ZNF669: variants seen among roughly 807,000 people sequenced by gnomAD.
The protein encoded by ZNF669 is zinc finger protein 669.
ZNF669 carries 7 observed loss-of-function variants against 11.4 expected under a neutral mutation model. The observed-to-expected ratio is 0.62, with a 90% CI of 0.35 to 1.16. The LOEUF is 1.16. Among genes scored for constraint, ZNF669 ranks in the 50% most tolerant of loss-of-function variants. ZNF669 has a pLI of 0.02. For synonymous variants in ZNF669, 153 were observed against 155.8 expected (o/e 0.98, Z 0.13); for missense variants, 492 against 463.6 (o/e 1.06, Z -0.56).
rs747484121 is a variant in ZNF669 at position 247,100,691 on chromosome 1, T to C, written c.820A>G (p.Arg274Gly). 2.5e-6 allele frequency: 4 copies of C among 1,614,186 alleles called. No individual in the cohort carries two copies. In the South Asian group the frequency reaches 4.4e-5, roughly 18 times the overall value. Residue 274 changes from arginine (R) to glycine (G), a missense_variant, in exon 4 of 4, where the codon AGA becomes GGA. Transcript: ENST00000448299. ...RYHGSIHTGE[R>G]PYECKQCGKA... is the part of the protein sequence containing the mutation. ...CCACATTGTTTACACTCATAGGGTC[T>C]CTCTCCAGTATGAATGCTTCCATGG...
At position 247,100,600 on chromosome 1, in the gene ZNF669, T is replaced by C. The variant is rs1315219047; in HGVS notation, c.911A>G (p.Tyr304Cys). 19 of 1,614,094 alleles carry C rather than the reference T, an allele frequency of 1.2e-5. No homozygotes were observed. The highest frequency in any genetic ancestry group is 1.4e-5 in the Non-Finnish European group (16 of 1,180,030). ...GGCTTGATCACATTGTTTACATTCA[T>C]AGGGTTTCTCTCCGGTATGAGTACT... ...HRSTHTGEKPYECKQCDQAFS... is the reference protein window; with the variant it reads ...HRSTHTGEKPCECKQCDQAFS... Residue 304 changes from tyrosine (Y) to cysteine (C), a missense_variant, in exon 4 of 4, where the codon TAT (tyrosine) becomes TGT (cysteine). Physicochemically the swap from Tyr to Cys is radical, Grantham distance 194. Coordinates refer to ENST00000448299, the MANE Select transcript of ZNF669 (RefSeq NM_001142572.2).
At chr1:247,101,459 T>A in intron 3 of ZNF669, 140 bp from the exon 4 acceptor site, 2 of 1,099,008 alleles carry the variant, frequency 1.8e-6, no homozygotes, top group Non-Finnish European at 1.3e-6. Context: ...TATTTCAAAG[T>A]AAATGGGTTA....
rs920758769 is a variant in ZNF669, at chr1:247,100,308, G to A, written c.*66C>T. 2.0e-6 allele frequency: 2 copies of A among 982,382 alleles called. No homozygotes were observed. The highest frequency in any genetic ancestry group is 3.0e-6 in the Non-Finnish European group (2 of 657,182). The allele number at this position is 982,382 out of a possible 1,614,324, so 60.9% of individuals were successfully genotyped here. A position where few individuals can be genotyped will look rare whatever the true frequency, so the allele number is the denominator to read the frequency against. On this transcript the variant is annotated 3_prime_UTR_variant, in exon 4 of 4. Transcript: ENST00000448299. ...ATTATTTTATTTTTTGTAAAGACAG[G>A]GTTTCACCATGTTGCCCAGGTTGTT...
At chr1:247,103,848 T>A in intron 1 of ZNF669, 2 of 1,436,376 alleles carry the variant, frequency 1.4e-6, no homozygotes, top group Non-Finnish European at 1.8e-6. Flanking sequence ...GGAAGCCCCA[T>A]GAACCACAGC....
intron 1 of ZNF669, among the ~76,000 whole-genome samples, chr1:247,102,476 T>G (rs1014799925): frequency 1.3e-5 from 2 of 152,246 alleles, no homozygotes; most frequent in Non-Finnish European, 2.9e-5. Flanking sequence ...CTAAGACTAC[T>G]TATTCTTAAA....
intron 1 of ZNF669, 116 bp from the exon 2 acceptor site, chr1:247,102,229 G>T: frequency 2.4e-6 from 3 of 1,264,486 alleles, no homozygotes; most frequent in Non-Finnish European, 3.3e-6. Context: ...TTTATTCTAT[G>T]ACTTGATTGT....
At chr1:247,104,140 A>G (rs760026624) in intron 1 of ZNF669, 57 bp downstream of exon 1, 3 of 1,580,338 alleles carry the variant, frequency 1.9e-6, no homozygotes, top group Non-Finnish European at 2.6e-6. Context: ...GTCGCGCCAC[A>G]GCAGGTTTCA....
chr1:247,103,877 C>T (rs1208966742), intron 1 of ZNF669: 6 of 1,507,924 alleles, frequency 4.0e-6, no homozygotes, highest in Non-Finnish European at 5.3e-6. Context: ...TGCTGGAACC[C>T]CGCACACCGA....
Position 247,104,220 on chromosome 1 carries a change from C to G in ZNF669, c.-21G>C. On this transcript the variant is annotated 5_prime_UTR_variant, in exon 1 of 4. Coordinates refer to ENST00000448299, the MANE Select transcript of ZNF669 (RefSeq NM_001142572.2). ...ACCATTCCTCGGCTTCCCGGGTGTC[C>G]TGGCGTCAGCTAGGGATGTCCCAAT... 6.6e-7 allele frequency: 1 copy of G among 1,510,296 alleles called. No individual in the cohort carries two copies. Among genetic ancestry groups the G allele is most frequent in the African/African-American group, 1.4e-5 (1 of 71,108 alleles). The allele number at this position is 1,510,296 out of a possible 1,614,324, so 93.6% of individuals were successfully genotyped here.
At position 247,101,334 on chromosome 1, in the gene ZNF669, C is replaced by A. The variant is rs750384394; in HGVS notation, c.192-15G>T. On this transcript the variant is annotated splice_polypyrimidine_tract_variant and intron_variant, in intron 3 of 3. Coordinates refer to ENST00000448299, the MANE Select transcript of ZNF669 (RefSeq NM_001142572.2). The stretch of plus-strand genomic sequence containing the variant: ...CGATATGATTTCTGTAAAAAAATGA[C>A]AAGCACATTATTATTGGTTGGTTTA... 38 of 1,535,590 alleles carry A rather than the reference C, an allele frequency of 2.5e-5. No individual in the cohort carries two copies.
At chr1:247,101,966 G>A in intron 2 of ZNF669, 21 bp downstream of exon 2, 2 of 1,613,864 alleles carry the variant, frequency 1.2e-6, no homozygotes, top group Non-Finnish European at 1.7e-6. Flanking sequence ...GTAATTAACT[G>A]AAATGTGTTG....
rs1187258538 is a variant in ZNF669, at chr1:247,102,159, A to G, written c.4-46T>C. On this transcript the variant is annotated intron_variant, in intron 1 of 3. Coordinates refer to ENST00000448299, the MANE Select transcript of ZNF669 (RefSeq NM_001142572.2). ...GGATAGAAGGATGGGTGAGACTGAC[A>G]GCACTGGGAATCTATACTCAATTCA... The G allele has an allele frequency of 9.1e-6, 14 of 1,534,954 alleles. No individual in the cohort carries two copies. In the Middle Eastern group the frequency reaches 1.6e-3, roughly 173 times the overall value.
In ZNF669 at chr1:247,100,167, G is replaced by A. The variant is rs1471484430; in HGVS notation, c.*207C>T. ...GCCCAGCTAATTTTTTGTATTTTTA[G>A]TAGAGACGGGGTTTCACCGTGTTGG... is the stretch of plus-strand genomic sequence containing the variant. On this transcript the variant is annotated 3_prime_UTR_variant, in exon 4 of 4. Coordinates refer to ENST00000448299, the MANE Select transcript of ZNF669 (RefSeq NM_001142572.2). The A allele has an allele frequency of 6.5e-6, 3 of 458,348 alleles. No individual in the cohort carries two copies. Among genetic ancestry groups the A allele is most frequent in the Admixed American group, 4.0e-5 (1 of 25,294 alleles). The allele number at this position is 458,348 out of a possible 1,614,324, so 28.4% of individuals were successfully genotyped here.
Position 247,104,111 on chromosome 1 carries a change from C to A in ZNF669, c.3+86G>T, listed in dbSNP as rs201216518. 2.7e-4 allele frequency: 430 copies of A among 1,596,598 alleles called. 1 individual carries two copies. In the East Asian group the frequency reaches 9.5e-3, roughly 35 times the overall value. ...CGACTCGGTCCGCAGGTTCCGGAGC[C>A]GATGGCGTGGAGGCCCGAGTCGCGC... On this transcript the variant is annotated intron_variant, in intron 1 of 3. Coordinates refer to ENST00000448299, the MANE Select transcript of ZNF669 (RefSeq NM_001142572.2).
chr1:247,103,956 G>T, intron 1 of ZNF669: 1 of 1,603,418 alleles, frequency 6.2e-7, no homozygotes, highest in East Asian at 2.3e-5. Context: ...GGGGAGGCGA[G>T]GGGTTCCCGA....
At position 247,101,323 on chromosome 1, in the gene ZNF669, TA is replaced by T. The variant is rs758305246; in HGVS notation, c.192-5del. ...CAGTCTCTGTACGATATGATTTCTG[TA>T]AAAAAATGACAAGCACATTATTATT... On this transcript the variant is annotated splice_region_variant and splice_polypyrimidine_tract_variant and intron_variant, in intron 3 of 3. Transcript: ENST00000448299. The T allele has an allele frequency of 1.2e-4, 188 of 1,541,156 alleles. 1 individual carries two copies. In the South Asian group the frequency reaches 2.2e-3, roughly 18 times the overall value.
At chr1:247,102,977 C>T (rs1671753182) in intron 1 of ZNF669, among the ~76,000 whole-genome samples, 1 of 152,132 alleles carries the variant, frequency 6.6e-6, no homozygotes, top group Non-Finnish European at 1.5e-5. Flanking sequence ...CCTGTGAAAT[C>T]ACATAAATTC....
rs150915690 is a variant in ZNF669 at position 247,101,955 on chromosome 1, T to C, written c.130+32A>G. 13 of 1,613,742 alleles carry C rather than the reference T, an allele frequency of 8.1e-6. No homozygotes were observed. The East Asian group carries it at 1.3e-4, about 17-fold the overall frequency. Reference sequence around the variant, plus strand: ...AGCACTGATGATAGGGAAAGACTTCTGTAATTAACTGAAATGTGTTGTCAT... The same window carrying C: ...AGCACTGATGATAGGGAAAGACTTCCGTAATTAACTGAAATGTGTTGTCAT... On this transcript the variant is annotated intron_variant, in intron 2 of 3. Transcript: ENST00000448299.
chr1:247,100,229 C>T lies in ZNF669; in HGVS notation c.*145G>A, dbSNP rs1671687798. ...TCGATCTCCTGACCTCGTGATCCAC[C>T]CGCCTCGGCCTCCCAAAGTGCTGGG... On this transcript the variant is annotated 3_prime_UTR_variant, in exon 4 of 4. Transcript: ENST00000448299. 3.3e-6 allele frequency: 2 copies of T among 597,180 alleles called. No homozygotes were observed. Among genetic ancestry groups the T allele is most frequent in the East Asian group, 2.8e-5 (1 of 35,592 alleles). The allele number at this position is 597,180 out of a possible 1,614,324, so 37.0% of individuals were successfully genotyped here. A position where few individuals can be genotyped will look rare whatever the true frequency, so the allele number is the denominator to read the frequency against.
Sources: gnomAD v4.1 joint callset for allele counts (sites outside exome capture counted in the v4.1 genomes callset) on GRCh38, gnomAD v4.1.1 for gene constraint, MANE v1.5 for transcripts, NCBI Gene and HGNC (gene_info 2026-07-23, HGNC 2026-07-21) for gene names.